PLXNA4: variants seen among roughly 807,000 people sequenced by gnomAD.
PLXNA4 encodes the protein plexin A4, also known as plexin-A4.
Under a neutral mutation model 191.8 loss-of-function variants are expected in PLXNA4, and 44 were observed. The ratio of observed to expected loss-of-function variants is 0.23; its 90% CI spans 0.18 to 0.29. PLXNA4 has a LOEUF of 0.29. Among genes scored for constraint, PLXNA4 ranks in the 10% least tolerant of loss-of-function variants. PLXNA4 has a pLI of 1.00. For synonymous variants in PLXNA4, 1,082 were observed against 1,009.5 expected (o/e 1.07, Z -1.36); for missense variants, 1,800 against 2,488.8 (o/e 0.72, Z 5.89).
intron 3 of PLXNA4, among the ~76,000 whole-genome samples, chr7:132,447,364 G>T (rs1252249565): frequency 6.6e-6 from 1 of 152,128 alleles, no homozygotes; most frequent in African/African-American, 2.4e-5. Flanking sequence ...GGGAAGGAGG[G>T]GAAAACTGTG....
Position 132,239,819 on chromosome 7 carries a change from G to C in PLXNA4, c.1604+1247C>G, listed in dbSNP as rs1442357852. ...TTATGTATGTTTCAGACAAGACTGG[G>C]CACGTTCAGGGTGGCACGGCCATAG... On this transcript the variant is annotated intron_variant, in intron 5 of 31. Coordinates refer to ENST00000321063, the MANE Select transcript of PLXNA4 (RefSeq NM_020911.2). Among the ~76,000 whole-genome samples the C allele has an allele frequency of 2.6e-5, 4 of 152,286 alleles. No individual in the cohort carries two copies. In the East Asian group the frequency reaches 7.7e-4, roughly 29 times the overall value.
intron 1 of PLXNA4, among the ~76,000 whole-genome samples, chr7:132,536,852 G>C (rs1463176199): frequency 6.6e-6 from 1 of 152,246 alleles, no homozygotes; most frequent in African/African-American, 2.4e-5. Context: ...GGCAGAAAGA[G>C]ACAGTCATGA....
intron 2 of PLXNA4, among the ~76,000 whole-genome samples, chr7:132,628,397 C>T (rs1160373139): frequency 3.3e-5 from 5 of 151,274 alleles, no homozygotes; most frequent in Admixed American, 1.3e-4. Context: ...TTTCTCTCAG[C>T]TTTTAGGCTC....
chr7:132,628,718 A>G (rs929890608), intron 2 of PLXNA4, among the ~76,000 whole-genome samples: 3 of 151,900 alleles, frequency 2.0e-5, no homozygotes. Context: ...TCTGGTTAAG[A>G]GTTATTTCTG....
At chr7:132,223,456 G>T in intron 9 of PLXNA4, 71 bp downstream of exon 9, 1 of 1,325,506 alleles carries the variant, frequency 7.5e-7, no homozygotes, top group South Asian at 1.3e-5. Context: ...CTCCTCTTAA[G>T]GGAATGCCTC....
chr7:132,550,905 C>A (rs1338287080), intron 1 of PLXNA4, among the ~76,000 whole-genome samples: 1 of 152,234 alleles, frequency 6.6e-6, no homozygotes, highest in Non-Finnish European at 1.5e-5. Context: ...ATAGACACTT[C>A]AAACCCAGCT....
At chr7:132,165,306 G>C (rs745805743) in intron 22 of PLXNA4, 106 bp from the exon 23 acceptor site, 6 of 1,451,130 alleles carry the variant, frequency 4.1e-6, no homozygotes, top group Non-Finnish European at 5.5e-6. Flanking sequence ...CATTGATCTT[G>C]CTGCTTCTAG....
At chr7:132,197,942 G>A (rs901255077) in intron 13 of PLXNA4, among the ~76,000 whole-genome samples, 13 of 152,170 alleles carry the variant, frequency 8.5e-5, no homozygotes, top group African/African-American at 2.7e-4. Flanking sequence ...TATTTACAAG[G>A]CCATGCATGA....
intron 4 of PLXNA4, among the ~76,000 whole-genome samples, chr7:132,271,431 GAA>G (rs5887561): frequency 7.8e-6 from 1 of 128,500 alleles, no homozygotes; most frequent in Non-Finnish European, 1.6e-5. Context: ...AGTCACTTAG[GAA>G]AAAAAAAAAA....
chr7:132,632,342 A>C (rs765191572), intron 2 of PLXNA4, among the ~76,000 whole-genome samples: 2 of 152,184 alleles, frequency 1.3e-5, no homozygotes, highest in African/African-American at 2.4e-5. Flanking sequence ...TATGTAATGG[A>C]AATCTTTAGA....
chr7:132,237,737 A>G (rs934410204), intron 5 of PLXNA4, among the ~76,000 whole-genome samples: 1 of 152,236 alleles, frequency 6.6e-6, no homozygotes, highest in African/African-American at 2.4e-5. Flanking sequence ...TCCTCGTGCC[A>G]TCACTGTGAG....
At chr7:132,577,635 C>T (rs987212615), upstream of PLXNA4, among the ~76,000 whole-genome samples, 9 of 152,278 alleles carry the variant, frequency 5.9e-5, no homozygotes, top group African/African-American at 1.9e-4. Context: ...CCCCTCGGCC[C>T]GCACGGAGCT....
intron 3 of PLXNA4, among the ~76,000 whole-genome samples, chr7:132,340,249 T>C (rs1802974629): frequency 6.6e-6 from 1 of 152,162 alleles, no homozygotes; most frequent in South Asian, 2.1e-4. Context: ...ACTCCTCCCA[T>C]CCCTCTTCAC....
intron 4 of PLXNA4, among the ~76,000 whole-genome samples, chr7:132,253,510 G>A (rs1258170096): frequency 6.6e-6 from 1 of 151,942 alleles, no homozygotes; most frequent in African/African-American, 2.4e-5. Context: ...CTTCCACAGT[G>A]CTGGGATTAC....
chr7:132,261,790 C>T (rs1170808693), intron 4 of PLXNA4, among the ~76,000 whole-genome samples: 1 of 152,232 alleles, frequency 6.6e-6, no homozygotes, highest in Non-Finnish European at 1.5e-5. Flanking sequence ...GTGCACAAGA[C>T]ATGGCTAGAT....
intron 3 of PLXNA4, among the ~76,000 whole-genome samples, chr7:132,337,363 A>G (rs774502846): frequency 5.3e-5 from 8 of 152,242 alleles, no homozygotes; most frequent in African/African-American, 1.2e-4. Flanking sequence ...AAGCACATCA[A>G]ATTGTGCACA....
intron 2 of PLXNA4, among the ~76,000 whole-genome samples, chr7:132,642,254 A>C (rs1803758814): frequency 6.6e-6 from 1 of 152,164 alleles, no homozygotes; most frequent in Non-Finnish European, 1.5e-5. Context: ...GAAAGCCAAC[A>C]TTTCTGTAAT....
rs775468897 is a variant in PLXNA4, at chr7:132,185,318, G to A, written c.3139C>T (p.Pro1047Ser). The A allele has an allele frequency of 6.2e-7, 1 of 1,613,452 alleles. No homozygotes were observed. ...VEDPTIVRIE[P>S]EWSIVSGNTP... ...TCCTACCTGACAATGCTCCATTCTG[G>A]CTCAATCCGCACGATGGTGGGGTCT... Residue 1047 changes from proline to serine, a missense_variant, in exon 16 of 32, where the codon CCA (proline) becomes TCA (serine). Coordinates refer to ENST00000321063, the MANE Select transcript of PLXNA4 (RefSeq NM_020911.2).
intron 3 of PLXNA4, among the ~76,000 whole-genome samples, chr7:132,419,461 AG>A (rs1415397126): frequency 6.6e-6 from 1 of 152,242 alleles, no homozygotes. Flanking sequence ...AAGACCCATA[AG>A]TAAGATAAAT....
Sources: gnomAD v4.1 joint callset for allele counts (sites outside exome capture counted in the v4.1 genomes callset) on GRCh38, gnomAD v4.1.1 for gene constraint, MANE v1.5 for transcripts, NCBI Gene and HGNC (gene_info 2026-07-23, HGNC 2026-07-21) for gene names.